Variants in HAO1 observed in about 807,000 individuals in gnomAD.
HAO1 encodes hydroxyacid oxidase 1.
A neutral mutation model predicts 39.7 loss-of-function variants in HAO1; 34 were observed. That is an observed-to-expected ratio of 0.86 (90% confidence interval 0.65 to 1.14). The LOEUF is 1.14. Ranked by LOEUF, HAO1 falls within the 50% of genes most tolerant of loss-of-function variation. The pLI is 0.00. For synonymous variants in HAO1, 172 were observed against 173.2 expected (o/e 0.99, Z 0.05); for missense variants, 479 against 464.5 (o/e 1.03, Z -0.29).
chr20:7,898,046 A>T (rs528279886), intron 4 of HAO1, among the ~76,000 whole-genome samples: 2 of 152,142 alleles, frequency 1.3e-5, no homozygotes, highest in Non-Finnish European at 2.9e-5. Context: ...CCACCCACCC[A>T]TATTTCATCC....
intron 2 of HAO1, among the ~76,000 whole-genome samples, chr20:7,923,597 A>G (rs938334509): frequency 6.6e-6 from 1 of 152,160 alleles, no homozygotes; most frequent in East Asian, 1.9e-4. Context: ...TCAGAAGGGA[A>G]CAATATCCAT....
At chr20:7,924,767 G>A (rs1451258020) in intron 2 of HAO1, among the ~76,000 whole-genome samples, 1 of 152,130 alleles carries the variant, frequency 6.6e-6, no homozygotes, top group East Asian at 1.9e-4. Context: ...AAGCAAAAAA[G>A]TGTAATATGT....
intron 5 of HAO1, among the ~76,000 whole-genome samples, chr20:7,891,318 T>A (rs1477158247): frequency 2.0e-5 from 3 of 152,232 alleles, no homozygotes. Flanking sequence ...TTTTTTCATA[T>A]GTTTGTTGGC....
intron 1 of HAO1, among the ~76,000 whole-genome samples, chr20:7,936,547 TTC>T (rs1491296996): frequency 0.043 from 5,894 of 135,910 alleles, 175 homozygotes; most frequent in African/African-American, 0.089. Context: ...TGTGTGTGTG[TTC>T]GCGCGCGCGC....
intron 1 of HAO1, among the ~76,000 whole-genome samples, chr20:7,937,144 AACAG>A (rs2050416588): frequency 6.6e-6 from 1 of 152,126 alleles, no homozygotes; most frequent in Non-Finnish European, 1.5e-5. Context: ...CCTCACATCT[AACAG>A]GGGCCTCAAA....
chr20:7,930,826 T>C (rs1488459995), intron 2 of HAO1, among the ~76,000 whole-genome samples: 5 of 152,162 alleles, frequency 3.3e-5, no homozygotes, highest in Non-Finnish European at 5.9e-5. Flanking sequence ...TTGCAACAGA[T>C]AATGTCAGGC....
chr20:7,937,392 C>A (rs2050417773), intron 1 of HAO1, among the ~76,000 whole-genome samples: 1 of 151,844 alleles, frequency 6.6e-6, no homozygotes, highest in African/African-American at 2.4e-5. Context: ...AGCAAAAACA[C>A]CTTATTCACC....
intron 3 of HAO1, among the ~76,000 whole-genome samples, chr20:7,909,843 A>G (rs973286781): frequency 6.6e-6 from 1 of 152,210 alleles, no homozygotes; most frequent in African/African-American, 2.4e-5. Context: ...CAATATGAAA[A>G]GAAAGAGATT....
chr20:7,894,376 C>A (rs1172012807), intron 5 of HAO1, among the ~76,000 whole-genome samples: 1 of 152,134 alleles, frequency 6.6e-6, no homozygotes, highest in Non-Finnish European at 1.5e-5. Context: ...AGATTTTGGA[C>A]TCTGATTTGC....
At chr20:7,918,985 T>A (rs1413333082) in intron 2 of HAO1, among the ~76,000 whole-genome samples, 1 of 152,222 alleles carries the variant, frequency 6.6e-6, no homozygotes, top group Non-Finnish European at 1.5e-5. Flanking sequence ...GATTTCATTC[T>A]TGCTCCCAAT....
chr20:7,899,007 T>C (rs1248539799), intron 4 of HAO1, among the ~76,000 whole-genome samples: 12 of 152,010 alleles, frequency 7.9e-5, no homozygotes, highest in African/African-American at 2.2e-4. Flanking sequence ...AACCTCGTAA[T>C]TGAGCATACG....
At chr20:7,936,961 T>C (rs1364632518) in intron 1 of HAO1, among the ~76,000 whole-genome samples, 2 of 152,148 alleles carry the variant, frequency 1.3e-5, no homozygotes. Flanking sequence ...AGCACCTCAC[T>C]ATATTCTCGG....
intron 2 of HAO1, among the ~76,000 whole-genome samples, chr20:7,926,866 T>TC (rs564062116): frequency 6.8e-6 from 1 of 147,632 alleles, no homozygotes; most frequent in Non-Finnish European, 1.5e-5. Context: ...TTTAAAACTT[T>TC]TTTTTTTTTT....
chr20:7,886,937 C>A (rs2050153933), intron 5 of HAO1, among the ~76,000 whole-genome samples: 1 of 152,090 alleles, frequency 6.6e-6, no homozygotes, highest in Non-Finnish European at 1.5e-5. Context: ...CATCTTTGGC[C>A]CCAGGATAAA....
At chr20:7,891,335 T>G (rs1362173572) in intron 5 of HAO1, among the ~76,000 whole-genome samples, 1 of 152,202 alleles carries the variant, frequency 6.6e-6, no homozygotes, top group Non-Finnish European at 1.5e-5. Context: ...TGGCCATTTG[T>G]ATATCTTCTT....
intron 5 of HAO1, among the ~76,000 whole-genome samples, chr20:7,894,208 C>T (rs2050186590): frequency 6.6e-6 from 1 of 152,130 alleles, no homozygotes; most frequent in South Asian, 2.1e-4. Context: ...TCCATGGCTT[C>T]GGATCCATTT....
At chr20:7,927,845 A>G (rs1255131481) in intron 2 of HAO1, among the ~76,000 whole-genome samples, 1 of 152,224 alleles carries the variant, frequency 6.6e-6, no homozygotes, top group Non-Finnish European at 1.5e-5. Context: ...AGAGCAGGAT[A>G]TTATAGGTAG....
chr20:7,923,328 TTTTG>T (rs2050343407), intron 2 of HAO1, among the ~76,000 whole-genome samples: 1 of 152,168 alleles, frequency 6.6e-6, no homozygotes, highest in East Asian at 1.9e-4. Flanking sequence ...CAGAGTTTTG[TTTTG>T]TTTGTTTGTC....
chr20:7,914,059 AT>A, intron 3 of HAO1, 104 bp downstream of exon 3: 1 of 1,218,470 alleles, frequency 8.2e-7, no homozygotes, highest in East Asian at 2.4e-5. Context: ...TTAGCTGAAG[AT>A]TAACTAGATG....
Sources: gnomAD v4.1 joint callset for allele counts (sites outside exome capture counted in the v4.1 genomes callset) on GRCh38, gnomAD v4.1.1 for gene constraint, MANE v1.5 for transcripts, NCBI Gene and HGNC (gene_info 2026-07-23, HGNC 2026-07-21) for gene names.